Variants in CHEK2 observed in about 807,000 individuals in gnomAD.
CHEK2 encodes the protein checkpoint kinase 2, also known as serine/threonine-protein kinase Chk2.
Under a neutral mutation model 69.1 loss-of-function variants are expected in CHEK2, and 71 were observed. The observed-to-expected ratio is 1.03, with a 90% CI of 0.85 to 1.25. CHEK2 has a LOEUF of 1.25. Ranked by LOEUF, CHEK2 falls within the 50% of genes most tolerant of loss-of-function variation. The pLI is 0.00. For synonymous variants in CHEK2, 189 were observed against 226.9 expected (o/e 0.83, Z 1.50); for missense variants, 664 against 649.6 (o/e 1.02, Z -0.24).
At chr22:28,702,431 G>A (rs1182786092) in intron 8 of CHEK2, among the ~76,000 whole-genome samples, 1 of 151,238 alleles carries the variant, frequency 6.6e-6, no homozygotes, top group Non-Finnish European at 1.5e-5. Flanking sequence ...GTAGAGACAG[G>A]GTTTCACCGT....
At chr22:28,728,472 T>C (rs1000860944) in intron 2 of CHEK2, among the ~76,000 whole-genome samples, 6 of 152,108 alleles carry the variant, frequency 3.9e-5, no homozygotes, top group African/African-American at 1.2e-4. Flanking sequence ...GGCAGGCGGA[T>C]TGCTTGACTT....
At chr22:28,720,948 A>G (rs1418943123) in intron 4 of CHEK2, among the ~76,000 whole-genome samples, 3 of 152,170 alleles carry the variant, frequency 2.0e-5, no homozygotes, top group African/African-American at 4.8e-5. Flanking sequence ...AGAAGTGGGG[A>G]GAGAAAACAC....
intron 5 of CHEK2, among the ~76,000 whole-genome samples, chr22:28,715,854 T>C (rs2053568326): frequency 6.6e-6 from 1 of 151,934 alleles, no homozygotes; most frequent in African/African-American, 2.4e-5. Flanking sequence ...ATTCCATACA[T>C]TTCTTCTTCT....
chr22:28,711,658 G>GAA (rs17880165), intron 6 of CHEK2, among the ~76,000 whole-genome samples: 1 of 141,442 alleles, frequency 7.1e-6, no homozygotes, highest in Admixed American at 7.1e-5. Context: ...CTTGGAAGAA[G>GAA]AAAAAAAAAA....
At chr22:28,724,795 A>T (rs2053927094) in intron 4 of CHEK2, 182 bp downstream of exon 4, 1 of 681,602 alleles carries the variant, frequency 1.5e-6, no homozygotes, top group Admixed American at 2.1e-5. Context: ...CGAACTCCTG[A>T]CCTCAGGTGA....
At chr22:28,692,463 A>G (rs113781732) in intron 13 of CHEK2, among the ~76,000 whole-genome samples, 1,530 of 126,046 alleles carry the variant, frequency 0.012, 34 homozygotes, top group East Asian at 0.1. Context: ...AAACACATAT[A>G]TGTCTTTTTT....
intron 2 of CHEK2, chr22:28,728,109 G>T (rs1319207689): frequency 6.6e-6 from 1 of 152,216 alleles, no homozygotes; most frequent in Non-Finnish European, 1.5e-5. Flanking sequence ...CAGAGTGAGA[G>T]TGAGACCCTA....
At chr22:28,691,282 C>G (rs2145765674) in intron 13 of CHEK2, among the ~76,000 whole-genome samples, 1 of 152,226 alleles carries the variant, frequency 6.6e-6, no homozygotes, top group African/African-American at 2.4e-5. Flanking sequence ...GAGTTCGAGA[C>G]CAGTCTGACC....
At chr22:28,691,379 T>C (rs1389334024) in intron 13 of CHEK2, among the ~76,000 whole-genome samples, 6 of 152,204 alleles carry the variant, frequency 3.9e-5, no homozygotes, top group Admixed American at 3.9e-4. Flanking sequence ...CTTGGGAGGC[T>C]GATGCAGGAG....
chr22:28,733,278 G>A (rs2054271260), intron 2 of CHEK2, among the ~76,000 whole-genome samples: 1 of 152,150 alleles, frequency 6.6e-6, no homozygotes, highest in Non-Finnish European at 1.5e-5. Flanking sequence ...CTGAAGCTGT[G>A]GCAAACCACA....
At chr22:28,706,530 A>G (rs533999007) in intron 7 of CHEK2, among the ~76,000 whole-genome samples, 1 of 152,186 alleles carries the variant, frequency 6.6e-6, no homozygotes, top group Admixed American at 6.5e-5. Flanking sequence ...TGCAGTCTCA[A>G]CCTTCTGGGC....
chr22:28,706,543 A>C (rs1447302023), intron 7 of CHEK2, among the ~76,000 whole-genome samples: 1 of 152,128 alleles, frequency 6.6e-6, no homozygotes, highest in Non-Finnish European at 1.5e-5. Context: ...TTCTGGGCTC[A>C]AGCAATCCTC....
intron 4 of CHEK2, among the ~76,000 whole-genome samples, chr22:28,723,667 GAC>G (rs1267691998): frequency 6.6e-6 from 1 of 151,092 alleles, no homozygotes; most frequent in Non-Finnish European, 1.5e-5. Context: ...AATAGGGCTG[GAC>G]ATGGTGGCTC....
chr22:28,707,590 G>A (rs986962230), intron 7 of CHEK2, among the ~76,000 whole-genome samples: 1 of 152,158 alleles, frequency 6.6e-6, no homozygotes, highest in Non-Finnish European at 1.5e-5. Flanking sequence ...TGACTCCAAA[G>A]GTCAGGCTCT....
intron 14 of CHEK2, 132 bp from the exon 15 acceptor site, chr22:28,688,118 G>T: frequency 2.8e-6 from 2 of 726,868 alleles, no homozygotes; most frequent in South Asian, 3.2e-5. Context: ...AAAATTACTG[G>T]TTGTCATCAT....
chr22:28,737,220 T>C, intron 1 of CHEK2: 1 of 458,618 alleles, frequency 2.2e-6, no homozygotes, highest in South Asian at 1.6e-5. Context: ...ACTTTCTTTT[T>C]CCTTCTTCAC....
At chr22:28,733,301 T>C (rs2054272158) in intron 2 of CHEK2, among the ~76,000 whole-genome samples, 1 of 152,196 alleles carries the variant, frequency 6.6e-6, no homozygotes. Flanking sequence ...AGAGGTTAAC[T>C]AGTGAAGCTT....
chr22:28,700,733 G>C (rs1047507386), intron 8 of CHEK2, among the ~76,000 whole-genome samples: 2 of 152,278 alleles, frequency 1.3e-5, no homozygotes, highest in Admixed American at 6.5e-5. Flanking sequence ...TAAAAATTAA[G>C]AGATGGCTGA....
rs2054565583 is a variant in CHEK2 at position 28,741,797 on chromosome 22, C to T, written c.-35G>A. The T allele has an allele frequency of 2.0e-6, 1 of 501,938 alleles. No homozygotes were observed. Among genetic ancestry groups the T allele is most frequent in the South Asian group, 2.2e-5 (1 of 44,684 alleles). 31.1% of individuals were successfully genotyped at this position (501,938 alleles called of 1,614,324 possible). Reference sequence around the variant, plus strand: ...GTGAGCCCACCTGGAGCCGCACACTCTCCGCAGCCTCAGCCAGCAGAGTGG... The same window carrying T: ...GTGAGCCCACCTGGAGCCGCACACTTTCCGCAGCCTCAGCCAGCAGAGTGG... On this transcript the variant is annotated 5_prime_UTR_variant, in exon 1 of 15. Coordinates refer to ENST00000404276, the MANE Select transcript of CHEK2 (RefSeq NM_007194.4).
Sources: gnomAD v4.1 joint callset for allele counts (sites outside exome capture counted in the v4.1 genomes callset) on GRCh38, gnomAD v4.1.1 for gene constraint, MANE v1.5 for transcripts, NCBI Gene and HGNC (gene_info 2026-07-23, HGNC 2026-07-21) for gene names.